The following PDIA2 variants were observed in gnomAD, a reference collection of about 807,000 sequenced individuals.
PDIA2 encodes the protein protein disulfide isomerase family A member 2, also known as protein disulfide-isomerase A2.
Under a neutral mutation model 51.1 loss-of-function variants are expected in PDIA2, and 76 were observed. That is an observed-to-expected ratio of 1.49 (90% CI 1.24 to 1.80). The LOEUF is 1.80. Among genes scored for constraint, PDIA2 ranks in the 40% most tolerant of loss-of-function variants. The pLI, the probability that PDIA2 is intolerant of heterozygous loss-of-function variation, is 0.00. For missense variants in PDIA2, 946 were observed against 706.5 expected, an observed-to-expected ratio of 1.34 and a Z score of -3.84; for synonymous variants, 429 against 309.9, an observed-to-expected ratio of 1.38 and a Z score of -4.04.
intron 1 of PDIA2, 24 bp downstream of exon 1, chr16:283,392 T>TGGGGACCGGCG (rs1427439576): frequency 2.6e-6 from 4 of 1,548,222 alleles, no homozygotes; most frequent in Admixed American, 2.0e-5. Context: ...CCAGTGGGGC[T>TGGGGACCGGCG]GGGGACCGGC....
rs774230086 is a variant in PDIA2 at position 284,579 on chromosome 16, C to T, written c.392C>T (p.Pro131Leu). 1.2e-4 allele frequency: 194 copies of T among 1,612,018 alleles called. No individual in the cohort carries two copies. Among genetic ancestry groups the T allele is most frequent in the Non-Finnish European group, 1.4e-4 (168 of 1,179,688 alleles). ...TTCCGCAATGGGAACCGCACGCACC[C>T]GGAGGAGTACACAGGTGAGGGGCAG... is the stretch of plus-strand genomic sequence containing the variant. ...KFFRNGNRTHPEEYTGPRDAE... is the reference protein window; with the variant it reads ...KFFRNGNRTHLEEYTGPRDAE... The change falls in exon 2 of 11, where the codon CCG becomes CTG. Residue 131 changes from proline (P) to leucine (L), a missense_variant. Physicochemically the swap from Pro to Leu is moderately conservative, Grantham distance 98. Coordinates refer to ENST00000219406, the MANE Select transcript of PDIA2 (RefSeq NM_006849.4).
chr16:286,354 C>CCTAT lies in PDIA2; in HGVS notation c.1124_1127dup (p.Leu377SerfsTer9), dbSNP rs1246830626. On this transcript the variant is annotated frameshift_variant and splice_region_variant, in exon 8 of 11. Transcript: ENST00000219406. LOFTEE classifies it high-confidence loss of function. ...AGCGCCTGTCCTGGTTTCCCCCAGC[C>CCTAT]CTATCTCCTGAGCCAGGAGATACCC... The CCTAT allele has an allele frequency of 6.2e-7, 1 of 1,607,704 alleles. No homozygotes were observed. The highest frequency in any genetic ancestry group is 8.5e-7 in the Non-Finnish European group (1 of 1,178,496).
rs1567249786 is a variant in PDIA2 at position 284,899 on chromosome 16, GCCA to G, written c.565_567del (p.Thr189del). 1 of 1,612,780 alleles carries G rather than the reference GCCA, an allele frequency of 6.2e-7. No individual in the cohort carries two copies. On this transcript the variant is annotated inframe_deletion, in exon 4 of 11. Coordinates refer to ENST00000219406, the MANE Select transcript of PDIA2 (RefSeq NM_006849.4). ...TCAGGACCTGCAGGACGAGGACGTGGCCACCTTCTTGGCCTTGGCCCAGGACGC... is the reference window on the plus strand; with the variant it reads ...TCAGGACCTGCAGGACGAGGACGTGGCCTTCTTGGCCTTGGCCCAGGACGC...
rs1299021254 is a variant in PDIA2, at chr16:286,857, G to A, written c.1445G>A (p.Arg482Lys). 5 of 1,609,014 alleles carry A rather than the reference G, an allele frequency of 3.1e-6. No individual in the cohort carries two copies. In the Admixed American group the frequency reaches 5.1e-5, roughly 16 times the overall value. The change falls in exon 10 of 11, where the codon AGG becomes AAG. Residue 482 changes from arginine (R) to lysine (K), a missense_variant. By Grantham distance (26) the Arg-to-Lys change is conservative. Transcript: ENST00000219406. ...GRKVIEYKST[R>K]DLETFSKFLD... ...CAGGTGATTGAATACAAAAGCACCA[G>A]GGACCTGGAGACTTTCTCCAAGTTC...
chr16:285,591 T>C lies in PDIA2; in HGVS notation c.1007T>C (p.Leu336Pro). The C allele has an allele frequency of 6.2e-7, 1 of 1,613,304 alleles. No homozygotes were observed. Among genetic ancestry groups the C allele is most frequent in the Non-Finnish European group, 8.5e-7 (1 of 1,179,962 alleles). ...CTCAAGGCTGAGGCAGCCCCCACTC[T>C]GCGCTTGGTCAACCTTGAAACCACT... Reference protein sequence around the residue: ...FGLKAEAAPTLRLVNLETTKK... With the variant: ...FGLKAEAAPTPRLVNLETTKK... The change falls in exon 7 of 11, where the codon CTG (leucine) becomes CCG (proline). Residue 336 changes from leucine to proline, a missense_variant. Transcript: ENST00000219406.
At chr16:285,479 G>A (rs879683315) in intron 6 of PDIA2, 27 bp from the exon 7 acceptor site, 31 of 1,612,216 alleles carry the variant, frequency 1.9e-5, no homozygotes, top group Admixed American at 1.0e-4. Context: ...GAGAGTGGCC[G>A]GTGCCAGCAT....
In PDIA2 at chr16:285,190, T is replaced by C. The variant is rs759364401; in HGVS notation, c.785T>C (p.Phe262Ser). The C allele has an allele frequency of 2.5e-6, 4 of 1,612,612 alleles. No individual in the cohort carries two copies. In the African/African-American group the frequency reaches 5.4e-5, roughly 22 times the overall value. ...VTHSMRLVTE[F>S]NSQTSAKIFA... ...CACAGCATGCGCCTGGTCACGGAGT[T>C]CAACAGCCAGGTGCGTAGGCTGCAG... Residue 262 changes from phenylalanine (F) to serine (S), a missense_variant, in exon 5 of 11, where the codon TTC (phenylalanine) becomes TCC (serine). Phe to Ser is a radical substitution (Grantham distance 155). Transcript: ENST00000219406.
At position 287,065 on chromosome 16, in the gene PDIA2, C is replaced by G. The variant is rs1202500885; in HGVS notation, c.1534-4C>G. ...CTTCGAGCTGCACTTGTGACCCTTT[C>G]TAGGAGCCACCGGCCAACTCCACTA... On this transcript the variant is annotated splice_region_variant and splice_polypyrimidine_tract_variant and intron_variant, in intron 10 of 10. Coordinates refer to ENST00000219406, the MANE Select transcript of PDIA2 (RefSeq NM_006849.4). 2 of 1,612,758 alleles carry G rather than the reference C, an allele frequency of 1.2e-6. No individual in the cohort carries two copies. The highest frequency in any genetic ancestry group is 2.2e-5 in the East Asian group (1 of 44,888).
In PDIA2 at chr16:283,328, C is replaced by A. The variant is rs2052310060; in HGVS notation, c.159C>A (p.Gly53=). ...GILVLSRHTL[G]LALREHPALL... is the part of the protein sequence containing the mutation. ...TGGTGCTGAGCCGCCACACCCTGGGCCTGGCCCTGCGGGAGCACCCTGCCC... is the reference window on the plus strand; with the variant it reads ...TGGTGCTGAGCCGCCACACCCTGGGACTGGCCCTGCGGGAGCACCCTGCCC... The change falls in exon 1 of 11, where the codon GGC becomes GGA. Residue 53 remains glycine, a synonymous_variant. Transcript: ENST00000219406. The A allele has an allele frequency of 6.2e-7, 1 of 1,609,928 alleles. No individual in the cohort carries two copies. Among genetic ancestry groups the A allele is most frequent in the South Asian group, 1.1e-5 (1 of 90,800 alleles).
rs2052337981 is a variant in PDIA2 at position 285,186 on chromosome 16, G to C, written c.781G>C (p.Glu261Gln). 2 of 1,612,948 alleles carry C rather than the reference G, an allele frequency of 1.2e-6. No individual in the cohort carries two copies. Among genetic ancestry groups the C allele is most frequent in the African/African-American group, 1.3e-5 (1 of 74,910 alleles). Residue 261 changes from glutamate (E) to glutamine (Q), a missense_variant, in exon 5 of 11, where the codon GAG (glutamate) becomes CAG (glutamine). Physicochemically the swap from Glu to Gln is conservative, Grantham distance 29 (BLOSUM62 2). Transcript: ENST00000219406. ...LVTHSMRLVT[E>Q]FNSQTSAKIF... is the part of the protein sequence containing the mutation. ...CACACACAGCATGCGCCTGGTCACG[G>C]AGTTCAACAGCCAGGTGCGTAGGCT...
rs768385950 is a variant in PDIA2, at chr16:286,457, T to C, written c.1224T>C (p.Asn408=). The change falls in exon 8 of 11, where the codon AAT becomes AAC. Residue 408 remains asparagine, a synonymous_variant. Transcript: ENST00000219406. ...AGGTGGCTTTTGACGAAACCAAGAA[T>C]GTGTTTGTCAAGTTCTGTGAGTGTT... ...FEQVAFDETK[N]VFVKFYAPWC... is the part of the protein sequence containing the mutation. The C allele has an allele frequency of 8.7e-6, 14 of 1,612,836 alleles. No individual in the cohort carries two copies. In the South Asian group the frequency reaches 1.3e-4, roughly 15 times the overall value.
At chr16:283,530 G>T (rs920967672) in intron 1 of PDIA2, among the ~76,000 whole-genome samples, 162 bp downstream of exon 1, 1 of 152,228 alleles carries the variant, frequency 6.6e-6, no homozygotes, top group African/African-American at 2.4e-5. Context: ...AGGGGCCTGG[G>T]GGTCTGGTTG....
In PDIA2 at chr16:284,651, C is replaced by T. The variant is rs1459365343; in HGVS notation, c.407-8C>T. 1.3e-6 allele frequency: 2 copies of T among 1,597,940 alleles called. No homozygotes were observed. Among genetic ancestry groups the T allele is most frequent in the Non-Finnish European group, 1.7e-6 (2 of 1,176,714 alleles). The stretch of plus-strand genomic sequence containing the variant: ...GGCCAGGCCGAGGCTGAGGGGGACT[C>T]CCTGCAGGACCACGGGACGCTGAGG... On this transcript the variant is annotated splice_polypyrimidine_tract_variant and splice_region_variant and intron_variant, in intron 2 of 10. Coordinates refer to ENST00000219406, the MANE Select transcript of PDIA2 (RefSeq NM_006849.4).
chr16:285,352 T>C lies in PDIA2; in HGVS notation c.836T>C (p.Leu279Pro), dbSNP rs1368299088. The stretch of plus-strand genomic sequence containing the variant: ...TTCGCGGCCAGGATCCTCAACCACC[T>C]GCTGCTGTTTGTCAACCAGACGCTG... ...KIFAARILNH[L>P]LLFVNQTLAA... The change falls in exon 6 of 11, where the codon CTG becomes CCG. Residue 279 changes from leucine (L) to proline (P), a missense_variant. Leu to Pro is a moderately conservative substitution (Grantham distance 98). Coordinates refer to ENST00000219406, the MANE Select transcript of PDIA2 (RefSeq NM_006849.4). 3 of 1,612,562 alleles carry C rather than the reference T, an allele frequency of 1.9e-6. No individual in the cohort carries two copies. The highest frequency in any genetic ancestry group is 2.5e-6 in the Non-Finnish European group (3 of 1,179,822).
Position 284,550 on chromosome 16 carries a change from G to A in PDIA2, c.363G>A (p.Lys121=), listed in dbSNP as rs371113973. 6.2e-7 allele frequency: 1 copy of A among 1,612,694 alleles called. No individual in the cohort carries two copies. The highest frequency in any genetic ancestry group is 1.3e-5 in the African/African-American group (1 of 74,938). ...EFGVTEYPTL[K]FFRNGNRTHP... is the part of the protein sequence containing the mutation. ...GTGTGACGGAGTACCCTACGCTCAA[G>A]TTCTTCCGCAATGGGAACCGCACGC... Residue 121 remains lysine, a synonymous_variant, in exon 2 of 11, where the codon AAG becomes AAA. Transcript: ENST00000219406.
In PDIA2 at chr16:286,645, T is replaced by TGAGCTGGATGCCACGGCCAAC. The variant is rs750504504; in HGVS notation, c.1345_1365dup (p.Thr449_Ala455dup). Reference sequence around the variant, plus strand: ...AAGACCACGAGGACATCATCATTGCTGAGCTGGATGCCACGGCCAACGAGC... The same window carrying TGAGCTGGATGCCACGGCCAAC: ...AAGACCACGAGGACATCATCATTGCTGAGCTGGATGCCACGGCCAACGAGCTGGATGCCACGGCCAACGAGC... On this transcript the variant is annotated inframe_insertion, in exon 9 of 11. Coordinates refer to ENST00000219406, the MANE Select transcript of PDIA2 (RefSeq NM_006849.4). The TGAGCTGGATGCCACGGCCAAC allele has an allele frequency of 6.8e-6, 11 of 1,612,592 alleles. No individual in the cohort carries two copies. The highest frequency in any genetic ancestry group is 1.3e-5 in the African/African-American group (1 of 75,054).
In PDIA2 at chr16:284,641, G is replaced by A; in HGVS notation, c.407-18G>A. The stretch of plus-strand genomic sequence containing the variant: ...GGGGGGCGGTGGCCAGGCCGAGGCT[G>A]AGGGGGACTCCCTGCAGGACCACGG... On this transcript the variant is annotated intron_variant, in intron 2 of 10. Transcript: ENST00000219406. 1.2e-6 allele frequency: 2 copies of A among 1,601,398 alleles called. No homozygotes were observed. Among genetic ancestry groups the A allele is most frequent in the Non-Finnish European group, 1.7e-6 (2 of 1,177,594 alleles).
At position 285,595 on chromosome 16, in the gene PDIA2, C is replaced by G. The variant is rs755232931; in HGVS notation, c.1011C>G (p.Arg337=). The change falls in exon 7 of 11, where the codon CGC becomes CGG. Residue 337 remains arginine, a synonymous_variant. Transcript: ENST00000219406. The stretch of plus-strand genomic sequence containing the variant: ...AGGCTGAGGCAGCCCCCACTCTGCG[C>G]TTGGTCAACCTTGAAACCACTAAGA... The part of the protein sequence containing the change: ...GLKAEAAPTL[R]LVNLETTKKY... The G allele has an allele frequency of 1.2e-6, 2 of 1,613,312 alleles. No individual in the cohort carries two copies. The highest frequency in any genetic ancestry group is 1.7e-6 in the Non-Finnish European group (2 of 1,179,962).
chr16:284,505 C>A lies in PDIA2; in HGVS notation c.318C>A (p.Arg106=), dbSNP rs569167692. ...CCAAGGTGGATGGGCCCGCGCAGCG[C>A]GAGCTGGCTGAGGAGTTTGGTGTGA... is the stretch of plus-strand genomic sequence containing the variant. ...TLAKVDGPAQ[R]ELAEEFGVTE... is the part of the protein sequence containing the mutation. The change falls in exon 2 of 11, where the codon CGC becomes CGA. Residue 106 remains arginine (R), a synonymous_variant. Coordinates refer to ENST00000219406, the MANE Select transcript of PDIA2 (RefSeq NM_006849.4). The A allele has an allele frequency of 1.9e-6, 3 of 1,611,566 alleles. No homozygotes were observed. In the South Asian group the frequency reaches 3.3e-5, roughly 18 times the overall value.
Sources: allele counts gnomAD v4.1 joint callset (sites outside exome capture counted in the v4.1 genomes callset), GRCh38; gene constraint gnomAD v4.1.1; transcripts MANE v1.5; gene names NCBI Gene and HGNC (gene_info 2026-07-23, HGNC 2026-07-21).